ALKBH1: variants seen among roughly 807,000 people sequenced by gnomAD.
ALKBH1 encodes nucleic acid dioxygenase ALKBH1.
In ALKBH1, 31 loss-of-function variants were observed where a neutral mutation model predicts 36.6. The ratio of observed to expected loss-of-function variants is 0.85; its 90% CI spans 0.64 to 1.14. The LOEUF is 1.14. ALKBH1 is among the 50% of genes most tolerant of loss of function. The probability of loss-of-function intolerance (pLI) is 0.00; values close to 1 mark genes in which losing one functional copy is unlikely to be tolerated. For synonymous variants in ALKBH1, 183 were observed against 186.6 expected (o/e 0.98, Z 0.16); for missense variants, 490 against 497.3 (o/e 0.99, Z 0.14).
chr14:77,698,788 A>G (rs1392128957), intron 2 of ALKBH1, among the ~76,000 whole-genome samples: 1 of 152,128 alleles, frequency 6.6e-6, no homozygotes, highest in Non-Finnish European at 1.5e-5. Flanking sequence ...TTTGAGACAG[A>G]GTCTTGCTCT....
At chr14:77,695,668 G>A (rs1304758158) in intron 2 of ALKBH1, among the ~76,000 whole-genome samples, 1 of 151,158 alleles carries the variant, frequency 6.6e-6, no homozygotes, top group Non-Finnish European at 1.5e-5. Context: ...TACTGTCTCT[G>A]TAATATCTCA....
At chr14:77,674,621 C>T (rs2080195282) in intron 5 of ALKBH1, among the ~76,000 whole-genome samples, 1 of 152,102 alleles carries the variant, frequency 6.6e-6, no homozygotes, top group South Asian at 2.1e-4. Flanking sequence ...GGCGCGATCT[C>T]GGCTCACTGC....
At chr14:77,700,103 CCAAA>C (rs1308189747) in intron 2 of ALKBH1, among the ~76,000 whole-genome samples, 5 of 151,918 alleles carry the variant, frequency 3.3e-5, no homozygotes, top group African/African-American at 7.3e-5. Flanking sequence ...TAGGCTCTAA[CCAAA>C]CAAATCTCTG....
At chr14:77,682,729 AT>A (rs1355557236) in intron 3 of ALKBH1, among the ~76,000 whole-genome samples, 1 of 151,890 alleles carries the variant, frequency 6.6e-6, no homozygotes, top group Non-Finnish European at 1.5e-5. Context: ...ACTGTGTCTC[AT>A]TTTGTCACCC....
At chr14:77,680,677 C>CTCTTTTTTTTTTTTTTTTTTTTTTTTTT (rs774703181) in intron 3 of ALKBH1, among the ~76,000 whole-genome samples, 1 of 124,346 alleles carries the variant, frequency 8.0e-6, no homozygotes, top group African/African-American at 3.2e-5. Flanking sequence ...ATTAACTACT[C>CTCTTTTTTTTTTTTTTTTTTTTTTTTTT]TTTTTTTTTT....
intron 3 of ALKBH1, among the ~76,000 whole-genome samples, chr14:77,692,414 G>A: frequency 6.9e-6 from 1 of 144,838 alleles, no homozygotes; most frequent in African/African-American, 2.5e-5. Flanking sequence ...GTGGTTTGGG[G>A]ATGAAAACTG....
intron 2 of ALKBH1, chr14:77,696,879 A>AG (rs1396351152): frequency 3.9e-5 from 6 of 152,856 alleles, no homozygotes; most frequent in African/African-American, 1.4e-4. Flanking sequence ...TATGCTTTTG[A>AG]CAAGCACTGA....
chr14:77,691,986 T>C (rs1193971499), intron 3 of ALKBH1: 2 of 152,204 alleles, frequency 1.3e-5, no homozygotes, highest in Admixed American at 6.5e-5. Flanking sequence ...CCATAACCTA[T>C]AGACCAAGGT....
Position 77,685,217 on chromosome 14 carries a change from C to T in ALKBH1, c.456-5247G>A, listed in dbSNP as rs116552516. Among the ~76,000 whole-genome samples the T allele has an allele frequency of 7.3e-3, 1,113 of 152,074 alleles. 18 individuals are homozygous for T. Among genetic ancestry groups the T allele is most frequent in the African/African-American group, 0.026 (1,075 of 41,476 alleles). On this transcript the variant is annotated intron_variant, in intron 3 of 5. Transcript: ENST00000216489. ...CAGCACTTTGGGAGGCTGAGATGGG[C>T]GGATCTCTTAAGGCTAGGAGTTCAA...
intron 5 of ALKBH1, among the ~76,000 whole-genome samples, chr14:77,674,904 T>C (rs761481776): frequency 1.8e-4 from 28 of 152,130 alleles, no homozygotes; most frequent in Non-Finnish European, 3.5e-4. Context: ...CTTTACTATG[T>C]TTACCTTTCC....
At position 77,674,025 on chromosome 14, in the gene ALKBH1, T is replaced by C; in HGVS notation, c.957A>G (p.Val319=). ...GCCAGTCCTCCATAGAACAAGGCTC[T>C]ACCATTGAATCTCTCGGGAGGACAG... ...LPAVLPRDSM[V]EPCSMEDWQV... is the part of the protein sequence containing the mutation. Residue 319 remains valine (V), a synonymous_variant, in exon 6 of 6, where the codon GTA becomes GTG. Transcript: ENST00000216489. 1 of 1,614,164 alleles carries C rather than the reference T, an allele frequency of 6.2e-7. No individual in the cohort carries two copies. Among genetic ancestry groups the C allele is most frequent in the Non-Finnish European group, 8.5e-7 (1 of 1,180,008 alleles).
intron 3 of ALKBH1, among the ~76,000 whole-genome samples, chr14:77,688,489 C>T (rs1047482948): frequency 2.0e-5 from 3 of 151,112 alleles, no homozygotes; most frequent in South Asian, 2.1e-4. Context: ...CTCTTGACCT[C>T]GTGATCCGTC....
chr14:77,676,850 T>A (rs187724162), intron 4 of ALKBH1, among the ~76,000 whole-genome samples: 1 of 152,192 alleles, frequency 6.6e-6, no homozygotes, highest in Non-Finnish European at 1.5e-5. Context: ...TAGTGGCAAT[T>A]TGACTGGTCA....
Position 77,679,989 on chromosome 14 carries a change from A to G in ALKBH1, c.456-19T>C. Reference sequence around the variant, plus strand: ...TTTATACCTGCAAAGATTGGTGACAAAAGAGGAATTATTCATGTAAAATGG... The same window carrying G: ...TTTATACCTGCAAAGATTGGTGACAGAAGAGGAATTATTCATGTAAAATGG... On this transcript the variant is annotated intron_variant, in intron 3 of 5. Transcript: ENST00000216489. The G allele has an allele frequency of 1.9e-6, 3 of 1,596,922 alleles. No homozygotes were observed. The highest frequency in any genetic ancestry group is 2.6e-6 in the Non-Finnish European group (3 of 1,164,342).
Position 77,699,851 on chromosome 14 carries a change from A to G in ALKBH1, c.292+4518T>C, listed in dbSNP as rs138222291. On this transcript the variant is annotated intron_variant, in intron 2 of 5. Transcript: ENST00000216489. ...GGGCGGATCACGAGGTCAGGAGATC[A>G]AGACCATCCTGGCTAACACAATGAA... 6.8e-3 allele frequency among the ~76,000 whole-genome samples: 1,029 copies of G among 152,232 alleles called. 16 individuals are homozygous for G. Among genetic ancestry groups the G allele is most frequent in the African/African-American group, 0.02 (846 of 41,554 alleles).
In ALKBH1 at chr14:77,707,994, A is replaced by G. The variant is rs772412266; in HGVS notation, c.11T>C (p.Met4Thr). 6 of 1,609,400 alleles carry G rather than the reference A, an allele frequency of 3.7e-6. No homozygotes were observed. In the South Asian group the frequency reaches 6.6e-5, roughly 18 times the overall value. ...CGCCACAGAGCCCACGGCCGCTGCC[A>G]TCTTCCCCATCTCGCGGCCTATACC... MGK[M>T]AAAVGSVATL... Residue 4 changes from methionine (M) to threonine (T), a missense_variant, in exon 1 of 6, where the codon ATG becomes ACG. Transcript: ENST00000216489.
At chr14:77,695,519 A>G (rs1197866740) in intron 2 of ALKBH1, among the ~76,000 whole-genome samples, 2 of 152,132 alleles carry the variant, frequency 1.3e-5, no homozygotes, top group African/African-American at 2.4e-5. Context: ...ACATCACTAG[A>G]ATCAGCCTCA....
intron 1 of ALKBH1, among the ~76,000 whole-genome samples, chr14:77,705,632 TGTGA>T (rs1302004531): frequency 7.9e-5 from 12 of 152,226 alleles, no homozygotes; most frequent in African/African-American, 1.9e-4. Flanking sequence ...TTTCTTTGTA[TGTGA>T]GTATCTAATG....
chr14:77,691,214 AT>A lies in ALKBH1; in HGVS notation c.455+3523del, dbSNP rs532513192. On this transcript the variant is annotated intron_variant, in intron 3 of 5. Coordinates refer to ENST00000216489, the MANE Select transcript of ALKBH1 (RefSeq NM_006020.3). ...TTTTGAACAGTCCTTAAGTTCAAGT[AT>A]TTTTTTTTAAATAATTTTTGTTTTT... Among the ~76,000 whole-genome samples, 30 of 151,878 alleles carry A rather than the reference AT, an allele frequency of 2.0e-4. No individual in the cohort carries two copies. In the South Asian group the frequency reaches 3.1e-3, roughly 16 times the overall value.
Sources: allele counts gnomAD v4.1 joint callset (sites outside exome capture counted in the v4.1 genomes callset), GRCh38; gene constraint gnomAD v4.1.1; transcripts MANE v1.5; gene names NCBI Gene and HGNC (gene_info 2026-07-23, HGNC 2026-07-21).